Variants in CNDP1 observed in about 807,000 individuals in gnomAD.
CNDP1 encodes the protein carnosine dipeptidase 1.
A neutral mutation model predicts 58.1 loss-of-function variants in CNDP1; 44 were observed. The ratio of observed to expected loss-of-function variants is 0.76; its 90% CI spans 0.60 to 0.97. CNDP1 has a LOEUF of 0.97. Ranked by LOEUF, CNDP1 falls within the 50% of genes least tolerant of loss-of-function variation. The pLI, the probability that CNDP1 is intolerant of heterozygous loss-of-function variation, is 0.00. For missense variants in CNDP1, 616 were observed against 655.1 expected, an observed-to-expected ratio of 0.94 and a Z score of 0.65; for synonymous variants, 254 against 252.6, an observed-to-expected ratio of 1.01 and a Z score of -0.05.
chr18:74,573,968 T>C (rs1437100766), intron 7 of CNDP1, among the ~76,000 whole-genome samples: 1 of 152,202 alleles, frequency 6.6e-6, no homozygotes, highest in African/African-American at 2.4e-5. Flanking sequence ...TACAAAAACA[T>C]AAGGACATAG....
chr18:74,578,123 T>G (rs1981679046), intron 8 of CNDP1, 40 bp from the exon 9 acceptor site: 1 of 1,578,112 alleles, frequency 6.3e-7, no homozygotes, highest in African/African-American at 1.4e-5. Context: ...TCCACTGGGT[T>G]CTAATTAAGC....
chr18:74,554,455 G>A (rs1226429094), intron 1 of CNDP1, among the ~76,000 whole-genome samples: 5 of 152,230 alleles, frequency 3.3e-5, no homozygotes, highest in African/African-American at 1.2e-4. Context: ...TTTGTTGGAA[G>A]TGAATTCCTA....
At chr18:74,559,631 A>G (rs1481361326) in intron 3 of CNDP1, among the ~76,000 whole-genome samples, 159 bp downstream of exon 3, 13 of 152,122 alleles carry the variant, frequency 8.5e-5, no homozygotes, top group Non-Finnish European at 1.5e-5. Context: ...GTCTCAAATG[A>G]AGCCGTGTTA....
intron 6 of CNDP1, among the ~76,000 whole-genome samples, chr18:74,570,814 T>C (rs4892243): frequency 0.66 from 100,468 of 152,042 alleles, 34,329 homozygotes; most frequent in African/African-American, 0.83. Context: ...TTCTCAGAAA[T>C]CAAGGGAAGA....
chr18:74,579,750 C>T (rs148619277), intron 9 of CNDP1, among the ~76,000 whole-genome samples: 12 of 152,282 alleles, frequency 7.9e-5, no homozygotes, highest in Middle Eastern at 3.4e-3. Context: ...AAAAAGAGGA[C>T]GATTCAAAAG....
chr18:74,552,584 C>A (rs776265188), intron 1 of CNDP1, among the ~76,000 whole-genome samples: 6 of 152,174 alleles, frequency 3.9e-5, no homozygotes, highest in Non-Finnish European at 7.4e-5. Flanking sequence ...GTAGCATGTA[C>A]CAGTACTTCA....
intron 1 of CNDP1, among the ~76,000 whole-genome samples, chr18:74,538,142 T>G (rs1171481948): frequency 6.6e-6 from 1 of 152,192 alleles, no homozygotes; most frequent in Non-Finnish European, 1.5e-5. Flanking sequence ...TAGAACATTT[T>G]CCTCACCTCA....
chr18:74,570,842 G>C (rs79205121), intron 6 of CNDP1, among the ~76,000 whole-genome samples: 1 of 152,174 alleles, frequency 6.6e-6, no homozygotes, highest in African/African-American at 2.4e-5. Context: ...TCCAGAAAGA[G>C]GAGTGATCAA....
chr18:74,578,327 G>T lies in CNDP1; in HGVS notation c.1167G>T (p.Gln389His), dbSNP rs1480068984. ...PHMNVSAVEK[Q>H]VTRHLEDVFS... is the part of the protein sequence containing the mutation. ...TGAATGTGTCTGCGGTGGAAAAACA[G>T]GTAACAAATGCTTATTGTGACAATA... The change falls in exon 9 of 12, where the codon CAG becomes CAT. Residue 389 changes from glutamine to histidine, a missense_variant and splice_region_variant. Transcript: ENST00000358821. 1 of 1,600,516 alleles carries T rather than the reference G, an allele frequency of 6.2e-7. No homozygotes were observed. The highest frequency in any genetic ancestry group is 1.7e-4 in the Middle Eastern group (1 of 5,974).
chr18:74,550,470 G>A (rs1419044460), intron 1 of CNDP1, among the ~76,000 whole-genome samples: 1 of 152,136 alleles, frequency 6.6e-6, no homozygotes, highest in Admixed American at 6.5e-5. Context: ...TGATTTTACA[G>A]GCTCATAGGT....
Position 74,584,484 on chromosome 18 carries a change from T to A in CNDP1, c.1458-12T>A. 2 of 1,600,600 alleles carry A rather than the reference T, an allele frequency of 1.2e-6. No homozygotes were observed. The highest frequency in any genetic ancestry group is 1.7e-6 in the Non-Finnish European group (2 of 1,168,240). ...TTGTAACAAAATTTCTCTTTGTTTT[T>A]CCTCTTCTTAGGTGGAACTACATAG... is the stretch of plus-strand genomic sequence containing the variant. On this transcript the variant is annotated splice_polypyrimidine_tract_variant and intron_variant, in intron 11 of 11. Transcript: ENST00000358821.
chr18:74,541,061 G>A (rs1245017295), intron 1 of CNDP1, among the ~76,000 whole-genome samples: 3 of 152,194 alleles, frequency 2.0e-5, no homozygotes, highest in African/African-American at 7.2e-5. Flanking sequence ...AGAGGCCTGC[G>A]AGTTGTTGGG....
chr18:74,558,439 G>A (rs548899198), intron 2 of CNDP1, among the ~76,000 whole-genome samples: 4 of 125,008 alleles, frequency 3.2e-5, no homozygotes, highest in African/African-American at 1.2e-4. Flanking sequence ...CTGTCACCCA[G>A]ACTGGAGTGC....
At chr18:74,571,477 T>G (rs1981478364) in intron 7 of CNDP1, among the ~76,000 whole-genome samples, 1 of 152,220 alleles carries the variant, frequency 6.6e-6, no homozygotes, top group Non-Finnish European at 1.5e-5. Flanking sequence ...TCTTCTTCAG[T>G]TCATCCATTT....
At chr18:74,584,107 A>C in intron 11 of CNDP1, 1 of 239,014 alleles carries the variant, frequency 4.2e-6, no homozygotes, top group Non-Finnish European at 7.8e-6. Context: ...ACTTTGAGGA[A>C]ACACAAATAT....
At chr18:74,543,205 AGGGGCCG>A (rs1980669134) in intron 1 of CNDP1, among the ~76,000 whole-genome samples, 1 of 152,188 alleles carries the variant, frequency 6.6e-6, no homozygotes, top group African/African-American at 2.4e-5. Flanking sequence ...AGGAGCAGAC[AGGGGCCG>A]GGTGTGGTGG....
intron 1 of CNDP1, among the ~76,000 whole-genome samples, chr18:74,550,154 C>A (rs1980864957): frequency 6.6e-6 from 1 of 152,148 alleles, no homozygotes; most frequent in Non-Finnish European, 1.5e-5. Flanking sequence ...GAGAAGGGGG[C>A]CATCATTCTC....
chr18:74,568,870 A>G (rs1981396619), intron 6 of CNDP1, among the ~76,000 whole-genome samples: 1 of 152,194 alleles, frequency 6.6e-6, no homozygotes, highest in East Asian at 1.9e-4. Context: ...CTCAGTGGCC[A>G]GGGACAGAGA....
intron 2 of CNDP1, among the ~76,000 whole-genome samples, chr18:74,558,494 A>C (rs1437966609): frequency 7.1e-6 from 1 of 141,490 alleles, no homozygotes; most frequent in Non-Finnish European, 1.5e-5. Context: ...TCCCAGGTTC[A>C]CGCCATTCTC....
Sources: gnomAD v4.1 joint callset for allele counts (sites outside exome capture counted in the v4.1 genomes callset) on GRCh38, gnomAD v4.1.1 for gene constraint, MANE v1.5 for transcripts, NCBI Gene and HGNC (gene_info 2026-07-23, HGNC 2026-07-21) for gene names.